Variants in DHX15 observed in about 807,000 individuals in gnomAD.
The protein encoded by DHX15 is ATP-dependent RNA helicase DHX15.
Under a neutral mutation model 94.4 loss-of-function variants are expected in DHX15, and 11 were observed. That is an observed-to-expected ratio of 0.12 (90% CI 0.07 to 0.19). DHX15 has a LOEUF of 0.19. Ranked by LOEUF, DHX15 falls within the 10% of genes least tolerant of loss-of-function variation. The probability of loss-of-function intolerance (pLI) is 1.00; values close to 1 mark genes in which losing one functional copy is unlikely to be tolerated. For missense variants in DHX15, 304 were observed against 988.5 expected, an observed-to-expected ratio of 0.31 and a Z score of 9.29; for synonymous variants, 338 against 329.9, an observed-to-expected ratio of 1.02 and a Z score of -0.27.
chr4:24,557,235 T>C (rs925789301), intron 3 of DHX15, among the ~76,000 whole-genome samples: 1 of 152,196 alleles, frequency 6.6e-6, no homozygotes, highest in Admixed American at 6.5e-5. Flanking sequence ...CACTGGTTAC[T>C]GATGTCACTA....
Position 24,584,414 on chromosome 4 carries a change from C to T in DHX15, c.-21G>A, listed in dbSNP as rs897200455. ...GACATCCTCGCACTCTTCGAACGGG[C>T]AGTTATTAAGGAAGAAAGCTGGCTG... On this transcript the variant is annotated 5_prime_UTR_variant, in exon 1 of 14. Transcript: ENST00000336812. The T allele has an allele frequency of 1.2e-6, 2 of 1,608,410 alleles. No individual in the cohort carries two copies. Among genetic ancestry groups the T allele is most frequent in the Non-Finnish European group, 1.7e-6 (2 of 1,177,730 alleles).
intron 11 of DHX15, chr4:24,533,588 G>A (rs760144821): frequency 5.7e-5 from 9 of 157,178 alleles, no homozygotes; most frequent in Admixed American, 1.2e-4. Flanking sequence ...AAGGATGCCC[G>A]AAACCTCCAC....
intron 5 of DHX15, among the ~76,000 whole-genome samples, chr4:24,549,235 T>C (rs764105799): frequency 2.6e-5 from 4 of 152,244 alleles, no homozygotes; most frequent in African/African-American, 4.8e-5. Flanking sequence ...CAAATGAATA[T>C]ATAACTGCCT....
At chr4:24,571,981 C>T (rs1722130996) in intron 2 of DHX15, among the ~76,000 whole-genome samples, 1 of 152,142 alleles carries the variant, frequency 6.6e-6, no homozygotes, top group Admixed American at 6.5e-5. Context: ...TCTAGTCAGG[C>T]TATAAAGCCT....
chr4:24,557,073 G>T (rs1721755276), intron 3 of DHX15, among the ~76,000 whole-genome samples: 1 of 152,124 alleles, frequency 6.6e-6, no homozygotes, highest in South Asian at 2.1e-4. Flanking sequence ...ACCAAAAAGG[G>T]AAACCAGGCT....
At chr4:24,539,480 T>C (rs1219963785) in intron 10 of DHX15, among the ~76,000 whole-genome samples, 3 of 152,158 alleles carry the variant, frequency 2.0e-5, no homozygotes, top group African/African-American at 7.2e-5. Context: ...ACAGCATTAT[T>C]TCCTTAGCTT....
At chr4:24,543,118 G>A (rs1233084608) in intron 6 of DHX15, 92 bp from the exon 7 acceptor site, 1 of 765,730 alleles carries the variant, frequency 1.3e-6, no homozygotes, top group Non-Finnish European at 2.1e-6. Flanking sequence ...ACTGACACAA[G>A]GAATTTCAAG....
intron 2 of DHX15, among the ~76,000 whole-genome samples, chr4:24,573,729 C>T (rs1722175445): frequency 6.6e-6 from 1 of 152,152 alleles, no homozygotes; most frequent in African/African-American, 2.4e-5. Flanking sequence ...GCCCCACCTC[C>T]ACCTTCCCAA....
chr4:24,531,800 G>C (rs1244868416), intron 12 of DHX15, among the ~76,000 whole-genome samples: 1 of 152,098 alleles, frequency 6.6e-6, no homozygotes, highest in Non-Finnish European at 1.5e-5. Flanking sequence ...ATATAGTTAA[G>C]AGTTTCAAGA....
intron 3 of DHX15, among the ~76,000 whole-genome samples, chr4:24,565,598 G>A (rs902507429): frequency 1.2e-4 from 18 of 152,196 alleles, no homozygotes; most frequent in African/African-American, 4.1e-4. Context: ...GATTCATTCC[G>A]GTGACAAGTC....
intron 6 of DHX15, among the ~76,000 whole-genome samples, chr4:24,547,891 A>ATG (rs1341064741): frequency 1.7e-3 from 20 of 11,654 alleles, no homozygotes; most frequent in South Asian, 3.1e-3. Flanking sequence ...CTCTCTCTCT[A>ATG]TGTATGTATG....
chr4:24,536,818 G>A (rs1288992114), intron 11 of DHX15, among the ~76,000 whole-genome samples: 2 of 152,134 alleles, frequency 1.3e-5, no homozygotes, highest in African/African-American at 2.4e-5. Context: ...TTTTATCACT[G>A]TTATTTTTCA....
intron 3 of DHX15, among the ~76,000 whole-genome samples, chr4:24,564,628 T>C (rs1025044815): frequency 2.0e-5 from 3 of 152,218 alleles, no homozygotes; most frequent in African/African-American, 4.8e-5. Context: ...AGTCCTTACA[T>C]AATGTTTCTT....
chr4:24,536,340 C>T (rs1183787761), intron 11 of DHX15, among the ~76,000 whole-genome samples: 2 of 151,946 alleles, frequency 1.3e-5, no homozygotes, highest in African/African-American at 4.8e-5. Context: ...AATCAGTGTC[C>T]ACAGAATACC....
At chr4:24,583,448 G>A (rs1722514182) in intron 1 of DHX15, among the ~76,000 whole-genome samples, 1 of 151,526 alleles carries the variant, frequency 6.6e-6, no homozygotes, top group South Asian at 2.1e-4. Context: ...GAAGAAAAGT[G>A]GGACATGCAT....
chr4:24,584,194 T>G lies in DHX15; in HGVS notation c.71+129A>C, dbSNP rs994398695. The stretch of plus-strand genomic sequence containing the variant: ...CCGCGCTTCTCCTACCCGCCGCTAG[T>G]GAACCCAGCCCAGAGAGAAACAAAG... On this transcript the variant is annotated intron_variant, in intron 1 of 13. Coordinates refer to ENST00000336812, the MANE Select transcript of DHX15 (RefSeq NM_001358.3). The G allele has an allele frequency of 5.9e-6, 6 of 1,008,848 alleles. No individual in the cohort carries two copies. In the African/African-American group the frequency reaches 8.5e-5, roughly 14 times the overall value. 62.5% of individuals were successfully genotyped at this position (1,008,848 alleles called of 1,614,324 possible). A position where few individuals can be genotyped will look rare whatever the true frequency, so the allele number is the denominator to read the frequency against.
chr4:24,545,070 C>T (rs1451914764), intron 6 of DHX15, among the ~76,000 whole-genome samples: 1 of 152,116 alleles, frequency 6.6e-6, no homozygotes, highest in Non-Finnish European at 1.5e-5. Flanking sequence ...ATGATCATGG[C>T]ACAGAACTCC....
chr4:24,535,807 A>G (rs1254770165), intron 11 of DHX15, among the ~76,000 whole-genome samples: 2 of 152,224 alleles, frequency 1.3e-5, no homozygotes, highest in East Asian at 1.9e-4. Flanking sequence ...GAGATGTGCC[A>G]AAGTCAACAG....
chr4:24,579,450 A>C (rs1722354497), intron 1 of DHX15, among the ~76,000 whole-genome samples: 1 of 152,176 alleles, frequency 6.6e-6, no homozygotes, highest in Admixed American at 6.5e-5. Flanking sequence ...TTTGTTCTTA[A>C]AAGTTTACTA....
Sources: gnomAD v4.1 joint callset for allele counts (sites outside exome capture counted in the v4.1 genomes callset) on GRCh38, gnomAD v4.1.1 for gene constraint, MANE v1.5 for transcripts, NCBI Gene and HGNC (gene_info 2026-07-23, HGNC 2026-07-21) for gene names.